The following SASH1 variants were observed in gnomAD, a reference collection of about 807,000 sequenced individuals.
SASH1 encodes the protein SAM and SH3 domain-containing protein 1.
SASH1 carries 44 observed loss-of-function variants against 125.2 expected under a neutral mutation model. The ratio of observed to expected loss-of-function variants is 0.35; its 90% CI spans 0.28 to 0.45. SASH1 has a LOEUF of 0.45. Among genes scored for constraint, SASH1 ranks in the 20% least tolerant of loss-of-function variants. The probability of loss-of-function intolerance (pLI) is 1.00; values close to 1 mark genes in which losing one functional copy is unlikely to be tolerated. For missense variants in SASH1, 1,426 were observed against 1,614.5 expected (o/e 0.88, Z 2.00); for synonymous variants, 639 against 649.1 (o/e 0.98, Z 0.24).
chr6:148,298,131 C>T (rs186138691), intron 1 of SASH1, among the ~76,000 whole-genome samples: 1 of 151,792 alleles, frequency 6.6e-6, no homozygotes, highest in Admixed American at 6.5e-5. Context: ...CTCAGCCTCC[C>T]TAGTAGCTGG....
At position 148,476,820 on chromosome 6, in the gene SASH1, C is replaced by T. The variant is rs548910094; in HGVS notation, c.627+2598C>T. 5.3e-5 allele frequency among the ~76,000 whole-genome samples: 8 copies of T among 152,252 alleles called. No individual in the cohort carries two copies. In the East Asian group the frequency reaches 7.7e-4, roughly 15 times the overall value. ...ATTAACTGACTTCAAATCTATACTACGGAGCTGTAGTAACCAAAACAGCAT... is the reference window on the plus strand; with the variant it reads ...ATTAACTGACTTCAAATCTATACTATGGAGCTGTAGTAACCAAAACAGCAT... On this transcript the variant is annotated intron_variant, in intron 7 of 19. Transcript: ENST00000367467.
chr6:148,488,939 T>C (rs1778988036), intron 8 of SASH1, among the ~76,000 whole-genome samples: 1 of 152,222 alleles, frequency 6.6e-6, no homozygotes, highest in Non-Finnish European at 1.5e-5. Context: ...TTACCTCTCT[T>C]GATAGTGTCC....
intron 1 of SASH1, among the ~76,000 whole-genome samples, chr6:148,275,259 T>C (rs541537489): frequency 6.6e-6 from 1 of 152,340 alleles, no homozygotes; most frequent in Admixed American, 6.5e-5. Context: ...ATTTTTAATA[T>C]CCTTGAGAAT....
intron 12 of SASH1, among the ~76,000 whole-genome samples, chr6:148,528,094 T>C (rs1344781935): frequency 1.3e-5 from 2 of 152,008 alleles, no homozygotes; most frequent in East Asian, 3.9e-4. Flanking sequence ...TACCAGGCTT[T>C]GGTAATAATG....
the SASH1 span, among the ~76,000 whole-genome samples, chr6:148,245,100 T>A: frequency 6.6e-6 from 1 of 152,226 alleles, no homozygotes; most frequent in Non-Finnish European, 1.5e-5. Context: ...GCTTGATGCC[T>A]TAAAGAGGAA....
At chr6:148,545,281 A>C (rs1001950276) in intron 18 of SASH1, among the ~76,000 whole-genome samples, 3 of 152,242 alleles carry the variant, frequency 2.0e-5, no homozygotes, top group Non-Finnish European at 2.9e-5. Context: ...GCTAACAGAT[A>C]CAGCAGTACT....
intron 5 of SASH1, 31 bp from the exon 6 acceptor site, chr6:148,471,386 C>CTT (rs35487674): frequency 1.6e-3 from 830 of 503,188 alleles, no homozygotes; most frequent in South Asian, 3.3e-3. Flanking sequence ...GCTTTTTGTT[C>CTT]TTTTTTTTTT....
chr6:148,311,811 A>G (rs1336962664), intron 1 of SASH1, among the ~76,000 whole-genome samples: 1 of 152,190 alleles, frequency 6.6e-6, no homozygotes, highest in Non-Finnish European at 1.5e-5. Context: ...CTTGTCTCAG[A>G]AAAACAAAAA....
chr6:148,363,511 C>T (rs1782330929), intron 1 of SASH1, among the ~76,000 whole-genome samples: 1 of 152,036 alleles, frequency 6.6e-6, no homozygotes, highest in Admixed American at 6.6e-5. Context: ...AAGCAATTCT[C>T]TGCCTCAGCC....
At chr6:148,505,703 T>C (rs1779761830) in intron 8 of SASH1, among the ~76,000 whole-genome samples, 1 of 151,956 alleles carries the variant, frequency 6.6e-6, no homozygotes, top group African/African-American at 2.4e-5. Context: ...AGTGGCATGA[T>C]CTCAGCTCAC....
chr6:148,299,944 G>T (rs9485271), intron 1 of SASH1, among the ~76,000 whole-genome samples: 2,687 of 152,222 alleles, frequency 0.018, 74 homozygotes, highest in African/African-American at 0.062. Flanking sequence ...CAAGATGCTG[G>T]GGAGGAAAGG....
chr6:148,428,336 A>G (rs1775912358), intron 2 of SASH1, among the ~76,000 whole-genome samples: 1 of 151,550 alleles, frequency 6.6e-6, no homozygotes, highest in South Asian at 2.1e-4. Context: ...ACTGCAGAAT[A>G]TAAACTATCA....
intron 11 of SASH1, among the ~76,000 whole-genome samples, chr6:148,526,735 A>G (rs1034069444): frequency 7.2e-5 from 11 of 152,312 alleles, no homozygotes; most frequent in Admixed American, 2.6e-4. Flanking sequence ...TGGAAATCCA[A>G]TCAGATGTTG....
chr6:148,367,023 G>A (rs923839917), intron 1 of SASH1, among the ~76,000 whole-genome samples: 1 of 148,300 alleles, frequency 6.7e-6, no homozygotes, highest in African/African-American at 2.5e-5. Flanking sequence ...CCAGGCTGGA[G>A]TGCAATGGCG....
the SASH1 span, among the ~76,000 whole-genome samples, chr6:148,225,418 T>C: frequency 1.3e-5 from 2 of 152,074 alleles, no homozygotes; most frequent in East Asian, 3.8e-4. Context: ...TAATGTTTTT[T>C]GCAGCAACTT....
the SASH1 span, among the ~76,000 whole-genome samples, chr6:148,207,027 C>T: frequency 6.6e-6 from 1 of 152,148 alleles, no homozygotes; most frequent in East Asian, 1.9e-4. Context: ...TGACACCCGG[C>T]CCCTCTCCAG....
the SASH1 span, among the ~76,000 whole-genome samples, chr6:148,216,597 A>T: frequency 1.9e-3 from 282 of 152,284 alleles, 2 homozygotes; most frequent in African/African-American, 6.7e-3. Flanking sequence ...CATTTGTGTG[A>T]GACGACCAGT....
chr6:148,404,302 A>G lies in SASH1; in HGVS notation c.285+14040A>G, dbSNP rs554101681. 3.5e-4 allele frequency among the ~76,000 whole-genome samples: 53 copies of G among 152,312 alleles called. 2 individuals are homozygous for G. The South Asian group carries it at 0.011, about 32-fold the overall frequency. ...AATATGTTAACAAGTTCAGACTTCT[A>G]ATTAGAGGAAGAAAGGCTCCCAATG... On this transcript the variant is annotated intron_variant, in intron 2 of 19. Transcript: ENST00000367467.
At chr6:148,416,869 C>T (rs993738893) in intron 2 of SASH1, among the ~76,000 whole-genome samples, 1 of 152,164 alleles carries the variant, frequency 6.6e-6, no homozygotes, top group Non-Finnish European at 1.5e-5. Flanking sequence ...TGAATTTAGA[C>T]CCAGCCATTG....
Sources: allele counts gnomAD v4.1 joint callset (sites outside exome capture counted in the v4.1 genomes callset), GRCh38; gene constraint gnomAD v4.1.1; transcripts MANE v1.5; gene names NCBI Gene and HGNC (gene_info 2026-07-23, HGNC 2026-07-21).